The following AGAP3 variants were observed in gnomAD, a reference collection of about 807,000 sequenced individuals.
The protein encoded by AGAP3 is ArfGAP with GTPase domain, ankyrin repeat and PH domain 3, also known as arf-GAP with GTPase, ANK repeat and PH domain-containing protein 3.
AGAP3 carries 24 observed loss-of-function variants against 96.9 expected under a neutral mutation model. The ratio of observed to expected loss-of-function variants is 0.25; its 90% CI spans 0.18 to 0.35. AGAP3 has a LOEUF of 0.35. AGAP3 is among the 10% of genes least tolerant of loss of function. The probability of loss-of-function intolerance (pLI) is 1.00; values close to 1 mark genes in which losing one functional copy is unlikely to be tolerated. For missense variants in AGAP3, 876 were observed against 1,254.2 expected, an observed-to-expected ratio of 0.70 and a Z score of 4.55; for synonymous variants, 563 against 536.1, an observed-to-expected ratio of 1.05 and a Z score of -0.69.
chr7:151,134,902 G>A (rs1371691403), intron 11 of AGAP3, among the ~76,000 whole-genome samples: 9 of 152,160 alleles, frequency 5.9e-5, no homozygotes, highest in Non-Finnish European at 1.2e-4. Flanking sequence ...TGCATGGCCG[G>A]CATCTCAGCC....
chr7:151,142,752 T>C lies in AGAP3; in HGVS notation c.2273+118T>C. On this transcript the variant is annotated intron_variant, in intron 16 of 17. Coordinates refer to ENST00000397238, the MANE Select transcript of AGAP3 (RefSeq NM_031946.7). This position sits in a 1 kb window ranked among gnomAD's most constrained non-coding sequence, Gnocchi z 7.5. ...GAAGGGTTAAAACTGTCTGTTGCTCTGCTTGGCAGTTGGCCCCTTGGGGGT... is the reference window on the plus strand; with the variant it reads ...GAAGGGTTAAAACTGTCTGTTGCTCCGCTTGGCAGTTGGCCCCTTGGGGGT... 8.7e-7 allele frequency: 1 copy of C among 1,152,342 alleles called. No individual in the cohort carries two copies. The allele number at this position is 1,152,342 out of a possible 1,614,324, so 71.4% of individuals were successfully genotyped here.
At chr7:151,126,926 C>G (rs149945311) in intron 9 of AGAP3, among the ~76,000 whole-genome samples, 2 of 152,226 alleles carry the variant, frequency 1.3e-5, no homozygotes, top group Non-Finnish European at 1.5e-5. Context: ...ACTCCCAGCC[C>G]GCATGCTCGC....
At position 151,116,282 on chromosome 7, in the gene AGAP3, GGGCCA is replaced by G. The variant is rs145005794; in HGVS notation, c.332-497_332-493del. 8.9e-3 allele frequency: 1,383 copies of G among 155,238 alleles called. 14 individuals carry two copies. Among genetic ancestry groups the G allele is most frequent in the African/African-American group, 0.03 (1,257 of 41,610 alleles). The allele number at this position is 155,238 out of a possible 1,614,324, so 9.6% of individuals were successfully genotyped here. A position where few individuals can be genotyped will look rare whatever the true frequency, so the allele number is the denominator to read the frequency against. On this transcript the variant is annotated intron_variant, in intron 1 of 17. Transcript: ENST00000397238. ...CTATCCACCTGCCCCTGGCAGAACAGGGCCAGGCCAGGCCAGGCTCCTCCCTCTTC... is the reference window on the plus strand; with the variant it reads ...CTATCCACCTGCCCCTGGCAGAACAGGGCCAGGCCAGGCTCCTCCCTCTTC...
At chr7:151,138,466 G>C (rs1023367206) in intron 12 of AGAP3, among the ~76,000 whole-genome samples, 153 bp downstream of exon 12, 2 of 152,218 alleles carry the variant, frequency 1.3e-5, no homozygotes, top group African/African-American at 4.8e-5. Context: ...GCTTGTCAGA[G>C]AGACCCTGCT....
intron 9 of AGAP3, among the ~76,000 whole-genome samples, chr7:151,127,731 CA>C (rs1800237023): frequency 6.6e-6 from 1 of 152,208 alleles, no homozygotes; most frequent in South Asian, 2.1e-4. Context: ...AGAGGGTTCT[CA>C]CTAGAGGAGT....
chr7:151,098,355 GCACA>G (rs145529821), intron 1 of AGAP3, among the ~76,000 whole-genome samples: 1 of 150,496 alleles, frequency 6.6e-6, no homozygotes, highest in African/African-American at 2.4e-5. Flanking sequence ...GGAGACCCTG[GCACA>G]CACACACACA....
At chr7:151,104,418 C>T (rs370311769) in intron 1 of AGAP3, among the ~76,000 whole-genome samples, 13 of 152,144 alleles carry the variant, frequency 8.5e-5, no homozygotes, top group East Asian at 5.8e-4. Flanking sequence ...GCCCGCTATA[C>T]GAAGAGCTCC....
At chr7:151,106,193 T>C (rs1056820640) in intron 1 of AGAP3, among the ~76,000 whole-genome samples, 1 of 152,154 alleles carries the variant, frequency 6.6e-6, no homozygotes, top group African/African-American at 2.4e-5. Context: ...GGGCTTTAAA[T>C]GTACCAGTGA....
chr7:151,097,318 G>T (rs1798645976), intron 1 of AGAP3, among the ~76,000 whole-genome samples: 1 of 151,546 alleles, frequency 6.6e-6, no homozygotes, highest in Admixed American at 6.6e-5. Context: ...ATCACCTGAG[G>T]TCAGGAGTTT....
In AGAP3 at chr7:151,114,062, G is replaced by A. The variant is rs1364845051; in HGVS notation, c.332-2731G>A. Among the ~76,000 whole-genome samples the A allele has an allele frequency of 1.3e-5, 2 of 152,208 alleles. No individual in the cohort carries two copies. The highest frequency in any genetic ancestry group is 4.8e-5 in the African/African-American group (2 of 41,444). On this transcript the variant is annotated intron_variant, in intron 1 of 17. Transcript: ENST00000397238. The surrounding 1 kb of genome is among the most constrained non-coding windows in gnomAD (Gnocchi z 4.4). ...ATCTTTGACTTCTCTGCTGCCCTTAGGCAGGACGCTTAACTCAGTCCAGAC... is the reference window on the plus strand; with the variant it reads ...ATCTTTGACTTCTCTGCTGCCCTTAAGCAGGACGCTTAACTCAGTCCAGAC...
intron 1 of AGAP3, among the ~76,000 whole-genome samples, chr7:151,095,821 C>T (rs1479810344): frequency 6.6e-6 from 1 of 151,914 alleles, no homozygotes; most frequent in African/African-American, 2.4e-5. Flanking sequence ...CCCCTGCCCC[C>T]CTGCCACCCC....
intron 1 of AGAP3, among the ~76,000 whole-genome samples, chr7:151,091,218 G>A (rs979966366): frequency 2.0e-5 from 3 of 152,196 alleles, no homozygotes; most frequent in Non-Finnish European, 2.9e-5. Context: ...CTTCAAAGAT[G>A]AGGACTGGGG....
At chr7:151,128,185 A>T (rs769499931) in intron 9 of AGAP3, 29 of 176,120 alleles carry the variant, frequency 1.6e-4, no homozygotes, top group Non-Finnish European at 3.0e-4. Context: ...GAGGAGCATC[A>T]CTGATGGCCA....
intron 10 of AGAP3, among the ~76,000 whole-genome samples, chr7:151,130,445 C>G (rs1297630976): frequency 1.3e-5 from 2 of 152,124 alleles, no homozygotes; most frequent in Non-Finnish European, 2.9e-5. Context: ...GAGCATTACC[C>G]AGATTTTTCT....
At position 151,102,548 on chromosome 7, in the gene AGAP3, C is replaced by T. The variant is rs1443513301; in HGVS notation, c.332-14245C>T. ...GCCAAGGCAGGAGGATCACTTGAGC[C>T]TAAAAGAGTTCAAGACCAGCCTAGG... On this transcript the variant is annotated intron_variant, in intron 1 of 17. Coordinates refer to ENST00000397238, the MANE Select transcript of AGAP3 (RefSeq NM_031946.7). Among the ~76,000 whole-genome samples the T allele has an allele frequency of 2.7e-5, 4 of 148,170 alleles. No individual in the cohort carries two copies. In the Admixed American group the frequency reaches 2.7e-4, roughly 10 times the overall value.
Position 151,133,722 on chromosome 7 carries a change from G to A in AGAP3, c.1327-678G>A, listed in dbSNP as rs1005290526. 2.0e-5 allele frequency among the ~76,000 whole-genome samples: 3 copies of A among 152,284 alleles called. No individual in the cohort carries two copies. Among genetic ancestry groups the A allele is most frequent in the Admixed American group, 2.0e-4 (3 of 15,302 alleles). On this transcript the variant is annotated intron_variant, in intron 10 of 17. Coordinates refer to ENST00000397238, the MANE Select transcript of AGAP3 (RefSeq NM_031946.7). This position sits in a 1 kb window ranked among gnomAD's most constrained non-coding sequence, Gnocchi z 5.4. ...CTCCCTCAGGTGGTGAAGATTACGC[G>A]AGGCTATACGTGGAATGTATAAATA...
At chr7:151,127,654 C>G (rs1458694269) in intron 9 of AGAP3, among the ~76,000 whole-genome samples, 2 of 152,186 alleles carry the variant, frequency 1.3e-5, no homozygotes. Flanking sequence ...CCCCCGCCTC[C>G]CATTCCCAGC....
rs369420362 is a variant in AGAP3 at position 151,128,642 on chromosome 7, G to T, written c.1284G>T (p.Thr428=). The T allele has an allele frequency of 7.9e-5, 128 of 1,613,806 alleles. No individual in the cohort carries two copies. In the African/African-American group the frequency reaches 1.5e-3, roughly 19 times the overall value. ...LNKEWKKKYV[T]LCDNGLLTYH... ...AGGAGTGGAAGAAGAAGTATGTGAC[G>T]CTCTGTGACAACGGGCTGCTCACCT... is the stretch of plus-strand genomic sequence containing the variant. The change falls in exon 10 of 18, where the codon ACG becomes ACT. Residue 428 remains threonine (T), a synonymous_variant. Coordinates refer to ENST00000397238, the MANE Select transcript of AGAP3 (RefSeq NM_031946.7).
chr7:151,138,860 TG>T (rs1157402744), intron 12 of AGAP3, among the ~76,000 whole-genome samples: 1 of 152,202 alleles, frequency 6.6e-6, no homozygotes, highest in Non-Finnish European at 1.5e-5. Flanking sequence ...GTTTTCCACC[TG>T]TGCTGTCCCC....
Sources: allele counts gnomAD v4.1 joint callset (sites outside exome capture counted in the v4.1 genomes callset), GRCh38; gene constraint gnomAD v4.1.1; non-coding constraint Gnocchi (gnomAD v3.1); transcripts MANE v1.5; gene names NCBI Gene and HGNC (gene_info 2026-07-23, HGNC 2026-07-21).